The following LARGE1 variants were observed in gnomAD, a reference collection of about 807,000 sequenced individuals.
LARGE1 encodes LARGE xylosyl- and glucuronyltransferase 1, also known as xylosyl- and glucuronyltransferase LARGE1.
A neutral mutation model predicts 87.6 loss-of-function variants in LARGE1; 43 were observed. The ratio of observed to expected loss-of-function variants is 0.49; its 90% confidence interval spans 0.38 to 0.63. The LOEUF is 0.63. LARGE1 is among the 30% of genes least tolerant of loss of function. The probability of loss-of-function intolerance (pLI) is 0.00; values close to 1 mark genes in which losing one functional copy is unlikely to be tolerated. For synonymous variants in LARGE1, 434 were observed against 394.6 expected (o/e 1.10, Z -1.18); for missense variants, 802 against 1,000.2 (o/e 0.80, Z 2.67).
intron 2 of LARGE1, among the ~76,000 whole-genome samples, chr22:33,720,243 G>A (rs2033122822): frequency 6.6e-6 from 1 of 152,112 alleles, no homozygotes; most frequent in African/African-American, 2.4e-5. Context: ...TTCTCATAAG[G>A]AGCCCTCTTG....
intron 11 of LARGE1, among the ~76,000 whole-genome samples, chr22:33,180,874 A>G (rs1923123717): frequency 6.6e-6 from 1 of 152,238 alleles, no homozygotes; most frequent in East Asian, 1.9e-4. Flanking sequence ...AGAATAGGCA[A>G]ATCGAGAGAC....
chr22:33,758,089 A>G (rs529609998), intron 2 of LARGE1, among the ~76,000 whole-genome samples: 1 of 152,306 alleles, frequency 6.6e-6, no homozygotes, highest in African/African-American at 2.4e-5. Flanking sequence ...AGCTCTGGTC[A>G]GCATGATCCT....
chr22:33,669,518 G>A (rs2081350864), intron 2 of LARGE1, among the ~76,000 whole-genome samples: 1 of 152,202 alleles, frequency 6.6e-6, no homozygotes, highest in African/African-American at 2.4e-5. Context: ...TGGTCTGGAG[G>A]AGGAAATGCA....
intron 6 of LARGE1, among the ~76,000 whole-genome samples, chr22:33,447,399 C>G (rs2067726548): frequency 1.3e-5 from 2 of 152,174 alleles, no homozygotes; most frequent in South Asian, 4.1e-4. Flanking sequence ...GGCCTGTGTA[C>G]AGGTGACATG....
intron 5 of LARGE1, among the ~76,000 whole-genome samples, chr22:33,590,848 T>C (rs531462340): frequency 1.3e-5 from 2 of 152,340 alleles, no homozygotes; most frequent in Admixed American, 6.5e-5. Flanking sequence ...TTTATTTCTC[T>C]TGGTTGAACA....
At chr22:33,413,597 C>T (rs778973159) in intron 7 of LARGE1, among the ~76,000 whole-genome samples, 1 of 151,900 alleles carries the variant, frequency 6.6e-6, no homozygotes, top group African/African-American at 2.4e-5. Flanking sequence ...CCTGAGTACC[C>T]GGGACTACAG....
At chr22:33,544,476 A>G (rs551028706) in intron 6 of LARGE1, among the ~76,000 whole-genome samples, 1 of 152,158 alleles carries the variant, frequency 6.6e-6, no homozygotes, top group Non-Finnish European at 1.5e-5. Context: ...CCCCTGAGGT[A>G]AGGAGTTTGA....
the LARGE1 span, among the ~76,000 whole-genome samples, chr22:33,101,357 T>A: frequency 6.6e-6 from 1 of 152,214 alleles, no homozygotes; most frequent in South Asian, 2.1e-4. Flanking sequence ...TGTGTCTCAG[T>A]TTTCATAATC....
the LARGE1 span, among the ~76,000 whole-genome samples, chr22:33,087,577 T>A: frequency 3.3e-5 from 5 of 152,178 alleles, no homozygotes; most frequent in African/African-American, 1.2e-4. Context: ...AAAACAATAA[T>A]GTTGAATTTA....
chr22:33,202,980 T>G (rs905007234), intron 11 of LARGE1, among the ~76,000 whole-genome samples: 17 of 152,176 alleles, frequency 1.1e-4, no homozygotes, highest in Non-Finnish European at 7.3e-5. Flanking sequence ...AGGATAATAA[T>G]ATAATAAGAC....
At chr22:33,310,655 C>T (rs866901889) in intron 11 of LARGE1, among the ~76,000 whole-genome samples, 1 of 152,162 alleles carries the variant, frequency 6.6e-6, no homozygotes, top group Admixed American at 6.5e-5. Flanking sequence ...AATTAAAAAT[C>T]AATCCAACAG....
At chr22:33,516,739 G>A (rs977887691) in intron 6 of LARGE1, among the ~76,000 whole-genome samples, 19 of 152,054 alleles carry the variant, frequency 1.2e-4, no homozygotes, top group Non-Finnish European at 2.4e-4. Flanking sequence ...ACAAGCAGGC[G>A]CCACCACGCC....
At chr22:33,536,476 G>A (rs2077046937) in intron 6 of LARGE1, among the ~76,000 whole-genome samples, 1 of 150,812 alleles carries the variant, frequency 6.6e-6, no homozygotes, top group South Asian at 2.1e-4. Context: ...GCACTGAGGA[G>A]AGAGTGATAA....
At position 33,274,286 on chromosome 22, in the gene LARGE1, G is replaced by C; in HGVS notation, c.*141C>G. ...TCCTTGTCCAAGGTCTCTGTAGTGA[G>C]GGCAGCTTGGCTGGGCCAAAGAGAT... On this transcript the variant is annotated 3_prime_UTR_variant, in exon 15 of 15. Coordinates refer to ENST00000397394, the MANE Select transcript of LARGE1 (RefSeq NM_133642.5). 2 of 842,874 alleles carry C rather than the reference G, an allele frequency of 2.4e-6. No homozygotes were observed. Among genetic ancestry groups the C allele is most frequent in the East Asian group, 2.5e-5 (1 of 39,654 alleles). 52.2% of individuals were successfully genotyped at this position (842,874 alleles called of 1,614,324 possible).
At chr22:33,108,306 T>C in the LARGE1 span, among the ~76,000 whole-genome samples, 7 of 152,190 alleles carry the variant, frequency 4.6e-5, no homozygotes, top group African/African-American at 1.4e-4. Context: ...CTAAACATAG[T>C]GCTCCATCCC....
At chr22:33,535,242 C>T (rs1312258904) in intron 6 of LARGE1, among the ~76,000 whole-genome samples, 1 of 152,144 alleles carries the variant, frequency 6.6e-6, no homozygotes, top group Non-Finnish European at 1.5e-5. Context: ...TGCTGTGGGT[C>T]CAAGAGAAAA....
chr22:33,263,114 G>A lies in LARGE1; in HGVS notation c.1730+41115C>T, dbSNP rs541033023. On this transcript the variant is annotated intron_variant, in intron 11 of 11. Transcript: ENST00000608642. ...TCACCAGGTTGGCCAGGCTGGTCTC[G>A]AAAACTCCTGACCTTGTGATTCGCC... Among the ~76,000 whole-genome samples the A allele has an allele frequency of 8.8e-3, 1,337 of 152,042 alleles. 25 individuals are homozygous for A. The highest frequency in any genetic ancestry group is 0.031 in the African/African-American group (1,271 of 41,474).
rs555902579 is a variant in LARGE1, at chr22:33,783,832, GT to G, written c.-82-22275del. ...AGAACGGGCTCTAACTTCCCTGGTGGTTATTGACCACCAGGCTCTACTGGAA... is the reference window on the plus strand; with the variant it reads ...AGAACGGGCTCTAACTTCCCTGGTGGTATTGACCACCAGGCTCTACTGGAA... On this transcript the variant is annotated intron_variant, in intron 1 of 14. Transcript: ENST00000397394. 5.7e-3 allele frequency among the ~76,000 whole-genome samples: 862 copies of G among 152,226 alleles called. 8 individuals carry two copies. Among genetic ancestry groups the G allele is most frequent in the African/African-American group, 0.02 (812 of 41,508 alleles).
chr22:33,722,287 A>AGAGGGAGAGGAGGGAGAGGGAGAG (rs1255498893), intron 2 of LARGE1, among the ~76,000 whole-genome samples: 75 of 124,738 alleles, frequency 6.0e-4, no homozygotes, highest in Non-Finnish European at 1.1e-3. Context: ...GAGAGGAGGG[A>AGAGGGAGAGGAGGGAGAGGGAGAG]GAGGGAGAGG....
Sources: gnomAD v4.1 joint callset for allele counts (sites outside exome capture counted in the v4.1 genomes callset) on GRCh38, gnomAD v4.1.1 for gene constraint, MANE v1.5 for transcripts, NCBI Gene and HGNC (gene_info 2026-07-23, HGNC 2026-07-21) for gene names.